CEP128: variants seen among roughly 807,000 people sequenced by gnomAD.
CEP128 encodes the protein centrosomal protein 128.
Under a neutral mutation model 156.7 loss-of-function variants are expected in CEP128, and 132 were observed. The observed-to-expected ratio is 0.84, with a 90% CI of 0.73 to 0.97. CEP128 has a LOEUF of 0.97. CEP128 is among the 50% of genes least tolerant of loss of function. The probability of loss-of-function intolerance (pLI) is 0.00; values close to 1 mark genes in which losing one functional copy is unlikely to be tolerated. For synonymous variants in CEP128, 469 were observed against 448.9 expected, an observed-to-expected ratio of 1.04 and a Z score of -0.57; for missense variants, 1,252 against 1,281.9, an observed-to-expected ratio of 0.98 and a Z score of 0.36.
intron 24 of CEP128, among the ~76,000 whole-genome samples, chr14:80,497,894 C>T (rs1035137129): frequency 3.3e-5 from 5 of 152,330 alleles, no homozygotes; most frequent in Middle Eastern, 6.8e-3. Flanking sequence ...CACTTGCACA[C>T]TCGCAAAGAA....
At position 80,904,885 on chromosome 14, in the gene CEP128, A is replaced by C. The variant is rs1386319977; in HGVS notation, c.408T>G (p.Asp136Glu). The change falls in exon 6 of 25, where the codon GAT becomes GAG. Residue 136 changes from aspartate (D) to glutamate (E), a missense_variant. Asp to Glu is a conservative substitution (Grantham distance 45). Coordinates refer to ENST00000555265, the MANE Select transcript of CEP128 (RefSeq NM_152446.5). ...PPTSPLKDYG[D>E]PQGIKRMRSR... ...ATCTCATTCGTTTAATACCCTGTGG[A>C]TCCCCATAGTCCTTGAGAGGTGAGG... 3.7e-6 allele frequency: 6 copies of C among 1,612,486 alleles called. No homozygotes were observed. The Admixed American group carries it at 1.0e-4, about 27-fold the overall frequency.
At chr14:80,716,791 T>G (rs1897623965) in intron 19 of CEP128, among the ~76,000 whole-genome samples, 1 of 152,198 alleles carries the variant, frequency 6.6e-6, no homozygotes, top group East Asian at 1.9e-4. Context: ...ATGTTAAACT[T>G]TTTAAGTAAC....
rs1409185360 is a variant in CEP128 at position 80,939,392 on chromosome 14, A to C, written c.-23T>G. The C allele has an allele frequency of 6.6e-6, 1 of 152,098 alleles. No individual in the cohort carries two copies. The highest frequency in any genetic ancestry group is 2.4e-5 in the African/African-American group (1 of 41,408). The allele number at this position is 152,098 out of a possible 1,614,324, so 9.4% of individuals were successfully genotyped here. A position where few individuals can be genotyped will look rare whatever the true frequency, so the allele number is the denominator to read the frequency against. ...GGGAGAAAGCATACTTACAAAGCACACCCCCAAAACTCCGAGTTGCTCTTC... is the reference window on the plus strand; with the variant it reads ...GGGAGAAAGCATACTTACAAAGCACCCCCCCAAAACTCCGAGTTGCTCTTC... On this transcript the variant is annotated 5_prime_UTR_variant, in exon 2 of 25. Coordinates refer to ENST00000555265, the MANE Select transcript of CEP128 (RefSeq NM_152446.5).
chr14:80,734,438 T>C (rs1898427523), intron 19 of CEP128, among the ~76,000 whole-genome samples: 1 of 152,110 alleles, frequency 6.6e-6, no homozygotes, highest in South Asian at 2.1e-4. Context: ...CCCTGACTTT[T>C]TTTTTTAGGC....
chr14:80,844,257 C>G (rs10134286), intron 9 of CEP128, among the ~76,000 whole-genome samples: 4 of 151,830 alleles, frequency 2.6e-5, no homozygotes, highest in Admixed American at 2.6e-4. Context: ...TTAAAAATAG[C>G]TAGGTGGGTA....
intron 19 of CEP128, among the ~76,000 whole-genome samples, chr14:80,633,666 C>T (rs1894059690): frequency 6.6e-6 from 1 of 152,194 alleles, no homozygotes; most frequent in Non-Finnish European, 1.5e-5. Context: ...GTATTCCCAT[C>T]CACAGTTTGG....
intron 15 of CEP128, among the ~76,000 whole-genome samples, chr14:80,783,044 T>C (rs993050097): frequency 6.6e-6 from 1 of 152,112 alleles, no homozygotes; most frequent in African/African-American, 2.4e-5. Context: ...TCCGAAATAT[T>C]TCACTCTAAT....
intron 10 of CEP128, among the ~76,000 whole-genome samples, chr14:80,839,733 A>C (rs944504694): frequency 3.3e-5 from 5 of 152,130 alleles, no homozygotes; most frequent in Non-Finnish European, 5.9e-5. Context: ...TTAAATCCCA[A>C]TATATAATTT....
intron 19 of CEP128, among the ~76,000 whole-genome samples, chr14:80,666,683 T>G (rs1384760126): frequency 6.7e-6 from 1 of 148,334 alleles, no homozygotes; most frequent in African/African-American, 2.5e-5. Flanking sequence ...AACAAAGTAC[T>G]GTCCTCACAA....
intron 17 of CEP128, among the ~76,000 whole-genome samples, chr14:80,757,842 C>T (rs1028494528): frequency 4.6e-5 from 7 of 152,192 alleles, no homozygotes; most frequent in African/African-American, 1.7e-4. Flanking sequence ...TGAGTGCCCA[C>T]CACATATCAC....
intron 21 of CEP128, among the ~76,000 whole-genome samples, chr14:80,538,253 T>C (rs751052751): frequency 4.6e-5 from 7 of 152,000 alleles, no homozygotes; most frequent in Non-Finnish European, 8.8e-5. Context: ...TAAAAACTAG[T>C]CAACAGAGCA....
chr14:80,905,897 A>G (rs1281119735), intron 5 of CEP128, 58 bp downstream of exon 5: 2 of 1,555,356 alleles, frequency 1.3e-6, no homozygotes, highest in Non-Finnish European at 1.8e-6. Context: ...AATTAAATGT[A>G]TTCAATATCT....
intron 19 of CEP128, among the ~76,000 whole-genome samples, chr14:80,656,346 T>TCAA (rs112270501): frequency 1.4e-5 from 1 of 71,016 alleles, no homozygotes; most frequent in African/African-American, 4.8e-5. Flanking sequence ...TATATAGCAA[T>TCAA]AAAAAAAAAA....
At position 80,651,029 on chromosome 14, in the gene CEP128, C is replaced by T. The variant is rs373786369; in HGVS notation, c.2807-70606G>A. 4.6e-5 allele frequency among the ~76,000 whole-genome samples: 7 copies of T among 152,254 alleles called. No homozygotes were observed. The East Asian group carries it at 1.4e-3, about 29-fold the overall frequency. On this transcript the variant is annotated intron_variant, in intron 19 of 24. Transcript: ENST00000555265. ...TCTTTGTACCTCTGGTAGAATTCGG[C>T]TGTGAATCCACCTGGTCCTGGACTT...
chr14:80,642,278 T>A (rs7153490), intron 19 of CEP128, among the ~76,000 whole-genome samples: 1 of 152,086 alleles, frequency 6.6e-6, no homozygotes, highest in Non-Finnish European at 1.5e-5. Context: ...GTTTTGTCCA[T>A]TAATAAAGCT....
intron 19 of CEP128, among the ~76,000 whole-genome samples, chr14:80,722,627 TA>T (rs1394484098): frequency 6.6e-6 from 1 of 151,810 alleles, no homozygotes; most frequent in Non-Finnish European, 1.5e-5. Flanking sequence ...TTAACAGCTA[TA>T]AAACAGAATG....
rs1448524760 is a variant in CEP128 at position 80,756,897 on chromosome 14, T to A, written c.2608A>T (p.Ser870Cys). The A allele has an allele frequency of 6.3e-7, 1 of 1,588,664 alleles. No homozygotes were observed. Among genetic ancestry groups the A allele is most frequent in the Admixed American group, 1.7e-5 (1 of 59,224 alleles). Residue 870 changes from serine (S) to cysteine (C), a missense_variant, in exon 18 of 25, where the codon AGC becomes TGC. Ser to Cys is a moderately radical substitution (Grantham distance 112, BLOSUM62 -1). Transcript: ENST00000555265. The stretch of plus-strand genomic sequence containing the variant: ...AGGATTTAAAGATTAATTACCTTGC[T>A]TTCTGCTAACCAGCGATGTGGGTCA... ...HYDPHRWLAE[S>C]KTKLQWLCEE...
In CEP128 at chr14:80,693,383, G is replaced by A. The variant is rs76765594; in HGVS notation, c.2806+49692C>T. ...CTGAGAGAACAAAGGTTGTAAACAG[G>A]TATGTTCTATTTCAGAAGTGATTGT... is the stretch of plus-strand genomic sequence containing the variant. On this transcript the variant is annotated intron_variant, in intron 19 of 24. Coordinates refer to ENST00000555265, the MANE Select transcript of CEP128 (RefSeq NM_152446.5). 2.6e-5 allele frequency among the ~76,000 whole-genome samples: 4 copies of A among 152,248 alleles called. No individual in the cohort carries two copies. In the South Asian group the frequency reaches 8.3e-4, roughly 32 times the overall value.
intron 1 of CEP128, among the ~76,000 whole-genome samples, chr14:80,940,516 T>A (rs988176294): frequency 2.0e-5 from 3 of 151,862 alleles, no homozygotes; most frequent in African/African-American, 7.3e-5. Context: ...TTAAAATATT[T>A]TTTTTTTTAA....
Sources: allele counts gnomAD v4.1 joint callset (sites outside exome capture counted in the v4.1 genomes callset), GRCh38; gene constraint gnomAD v4.1.1; transcripts MANE v1.5; gene names NCBI Gene and HGNC (gene_info 2026-07-23, HGNC 2026-07-21).